THAP6: variants seen among roughly 807,000 people sequenced by gnomAD.
THAP6 encodes the protein THAP domain-containing protein 6.
THAP6 carries 13 observed loss-of-function variants against 20.0 expected under a neutral mutation model. That is an observed-to-expected ratio of 0.65 (90% CI 0.42 to 1.03). THAP6 has a LOEUF of 1.03. Ranked by LOEUF, THAP6 falls within the 50% of genes least tolerant of loss-of-function variation. THAP6 has a pLI of 0.00. For missense variants in THAP6, 262 were observed against 261.6 expected (o/e 1.00, Z -0.01); for synonymous variants, 93 against 92.2 (o/e 1.01, Z -0.05).
At chr4:75,537,870 G>A (rs1049545689) in intron 2 of THAP6, among the ~76,000 whole-genome samples, 1 of 152,170 alleles carries the variant, frequency 6.6e-6, no homozygotes, top group Non-Finnish European at 1.5e-5. Flanking sequence ...GAAAAGGGAA[G>A]GAAATGAAGT....
intron 4 of THAP6, among the ~76,000 whole-genome samples, 179 bp from the exon 5 acceptor site, chr4:75,526,781 C>T (rs1726399644): frequency 6.6e-6 from 1 of 152,138 alleles, no homozygotes; most frequent in African/African-American, 2.4e-5. Flanking sequence ...GGAGGGATGC[C>T]CTTAGCACCC....
intron 2 of THAP6, among the ~76,000 whole-genome samples, chr4:75,538,668 C>T (rs1726931817): frequency 6.6e-6 from 1 of 152,196 alleles, no homozygotes; most frequent in Non-Finnish European, 1.5e-5. Context: ...TTTACTTTCA[C>T]ATTGCTGCCT....
At chr4:75,526,508 T>TCTA (rs1482700371) in intron 4 of THAP6, among the ~76,000 whole-genome samples, 1 of 152,160 alleles carries the variant, frequency 6.6e-6, no homozygotes, top group Non-Finnish European at 1.5e-5. Context: ...CAGAGTCCTC[T>TCTA]CTAAATCCCC....
upstream of THAP6, chr4:75,514,271 G>T: frequency 6.2e-7 from 1 of 1,612,362 alleles, no homozygotes; most frequent in Non-Finnish European, 8.5e-7. Context: ...CCATCTTCCC[G>T]GGCCGTCGCC....
intron 2 of THAP6, among the ~76,000 whole-genome samples, chr4:75,541,968 A>G (rs2148833524): frequency 6.6e-6 from 1 of 152,296 alleles, no homozygotes; most frequent in Non-Finnish European, 1.5e-5. Flanking sequence ...AAAAAAAAAA[A>G]AAGAAAATCA....
chr4:75,515,691 T>C (rs1049582110), intron 2 of THAP6, among the ~76,000 whole-genome samples, 159 bp downstream of exon 2: 1 of 152,260 alleles, frequency 6.6e-6, no homozygotes, highest in African/African-American at 2.4e-5. Flanking sequence ...TTTACATGTT[T>C]ATAATTTAGT....
At position 75,527,190 on chromosome 4, in the gene THAP6, C is replaced by T; in HGVS notation, c.645C>T (p.Ser215=). 7 of 1,613,978 alleles carry T rather than the reference C, an allele frequency of 4.3e-6. No individual in the cohort carries two copies. Among genetic ancestry groups the T allele is most frequent in the Non-Finnish European group, 5.9e-6 (7 of 1,179,894 alleles). Residue 215 remains serine, a synonymous_variant, in exon 5 of 5, where the codon AGC becomes AGT. Coordinates refer to ENST00000311638, the MANE Select transcript of THAP6 (RefSeq NM_144721.6). ...TCTGTTGGGACTGTTGTCAGGAGAG[C>T]ATAGAACAGGACTATATTTCATGAA... The part of the protein sequence containing the change: ...DTFCWDCCQE[S]IEQDYIS
chr4:75,534,514 T>C (rs1230528014), downstream of THAP6, among the ~76,000 whole-genome samples: 1 of 152,216 alleles, frequency 6.6e-6, no homozygotes, highest in African/African-American at 2.4e-5. Context: ...AAGGACTTCA[T>C]GTCTAAATCA....
chr4:75,517,479 T>C (rs1725736121), intron 3 of THAP6: 2 of 152,884 alleles, frequency 1.3e-5, no homozygotes, highest in African/African-American at 4.8e-5. Flanking sequence ...TAACCACTCA[T>C]AAATATTTGT....
chr4:75,539,393 G>C (rs973403899), intron 2 of THAP6, among the ~76,000 whole-genome samples: 1 of 152,100 alleles, frequency 6.6e-6, no homozygotes, highest in African/African-American at 2.4e-5. Context: ...GAGAACAACA[G>C]GAATAAGGTG....
chr4:75,527,886 G>C lies in THAP6; in HGVS notation c.*672G>C. On this transcript the variant is annotated 3_prime_UTR_variant, in exon 5 of 5. Transcript: ENST00000311638. ...GAGCACTTTGATGTAAACCAGAATA[G>C]CTTTAAAAAGACAAAAAGGATCGTA... The C allele has an allele frequency of 1.0e-6, 1 of 985,348 alleles. No individual in the cohort carries two copies. The highest frequency in any genetic ancestry group is 1.2e-6 in the Non-Finnish European group (1 of 829,906). The allele number at this position is 985,348 out of a possible 1,614,324, so 61.0% of individuals were successfully genotyped here. A position where few individuals can be genotyped will look rare whatever the true frequency, so the allele number is the denominator to read the frequency against.
In THAP6 at chr4:75,528,423, A is replaced by G. The variant is rs1165686788; in HGVS notation, c.*1209A>G. ...ACACTCTACTTAGAAGCACATGTAC[A>G]TACATGGACCTCATTCAGAAGTCCA... On this transcript the variant is annotated 3_prime_UTR_variant, in exon 5 of 5. Transcript: ENST00000311638. 1.3e-5 allele frequency: 13 copies of G among 985,342 alleles called. No individual in the cohort carries two copies. In the Admixed American group the frequency reaches 4.9e-4, roughly 37 times the overall value. 61.0% of individuals were successfully genotyped at this position (985,342 alleles called of 1,614,324 possible).
chr4:75,543,626 CAT>C (rs1328685330), intron 3 of THAP6, among the ~76,000 whole-genome samples: 2 of 152,172 alleles, frequency 1.3e-5, no homozygotes, highest in Admixed American at 6.5e-5. Context: ...GATTGGCAGT[CAT>C]AGATTACAGC....
In THAP6 at chr4:75,515,483, GCTT is replaced by G; in HGVS notation, c.34_36del (p.Ser12del). ...GAAATGCTGCTCCGCCATTGGATGT[GCTT>G]CTCGCTGCTTGCCAAATTCGAAGTT... On this transcript the variant is annotated inframe_deletion, in exon 2 of 5. Transcript: ENST00000311638. 1 of 1,614,016 alleles carries G rather than the reference GCTT, an allele frequency of 6.2e-7. No homozygotes were observed. Among genetic ancestry groups the G allele is most frequent in the South Asian group, 1.1e-5 (1 of 91,074 alleles).
chr4:75,534,236 A>C (rs1428661301), downstream of THAP6, among the ~76,000 whole-genome samples: 1 of 152,206 alleles, frequency 6.6e-6, no homozygotes, highest in Non-Finnish European at 1.5e-5. Flanking sequence ...GGAACAGAAC[A>C]GAGCCCTCAG....
Position 75,528,039 on chromosome 4 carries a change from G to A in THAP6, c.*825G>A, listed in dbSNP as rs1726489628. The A allele has an allele frequency of 1.0e-6, 1 of 984,574 alleles. No homozygotes were observed. The highest frequency in any genetic ancestry group is 4.7e-5 in the South Asian group (1 of 21,262). The allele number at this position is 984,574 out of a possible 1,614,324, so 61.0% of individuals were successfully genotyped here. A position where few individuals can be genotyped will look rare whatever the true frequency, so the allele number is the denominator to read the frequency against. On this transcript the variant is annotated 3_prime_UTR_variant, in exon 5 of 5. Transcript: ENST00000311638. ...AGCTCTATACTTTTAATACTGCTTT[G>A]TATTTTATATGTAAAGTAGTATTGC...
downstream of THAP6, among the ~76,000 whole-genome samples, chr4:75,534,398 T>C (rs1300315276): frequency 1.3e-5 from 2 of 152,176 alleles, no homozygotes; most frequent in Non-Finnish European, 2.9e-5. Context: ...TGACACCTTA[T>C]ACAAAAATTA....
At chr4:75,525,466 T>G (rs1726307074) in intron 4 of THAP6, among the ~76,000 whole-genome samples, 1 of 152,220 alleles carries the variant, frequency 6.6e-6, no homozygotes, top group Non-Finnish European at 1.5e-5. Context: ...CTGTAGATAT[T>G]CTATTAGAGT....
intron 3 of THAP6, among the ~76,000 whole-genome samples, chr4:75,545,234 C>A (rs190451287): frequency 1.3e-5 from 2 of 152,126 alleles, no homozygotes; most frequent in Non-Finnish European, 2.9e-5. Flanking sequence ...GAGAGCACAG[C>A]GCGGATTCAC....
Sources: gnomAD v4.1 joint callset for allele counts (sites outside exome capture counted in the v4.1 genomes callset) on GRCh38, gnomAD v4.1.1 for gene constraint, MANE v1.5 for transcripts, NCBI Gene and HGNC (gene_info 2026-07-23, HGNC 2026-07-21) for gene names.